The following ADARB2 variants were observed in gnomAD, a reference collection of about 807,000 sequenced individuals.
ADARB2 encodes the protein adenosine deaminase RNA specific B2 (inactive), also known as inactive double-stranded RNA-specific editase B2.
A neutral mutation model predicts 62.2 loss-of-function variants in ADARB2; 25 were observed. The observed-to-expected ratio is 0.40, with a 90% confidence interval of 0.29 to 0.56. The LOEUF is 0.56. ADARB2 is among the 20% of genes least tolerant of loss of function. ADARB2 has a pLI of 0.43. For missense variants in ADARB2, 1,071 were observed against 1,077.4 expected (o/e 0.99, Z 0.08); for synonymous variants, 572 against 500.8 (o/e 1.14, Z -1.90).
At chr10:1,275,540 G>A (rs1360405361) in intron 3 of ADARB2, among the ~76,000 whole-genome samples, 1 of 151,812 alleles carries the variant, frequency 6.6e-6, no homozygotes. Flanking sequence ...AAGTTTTAGG[G>A]TACATGTGCA....
intron 1 of ADARB2, among the ~76,000 whole-genome samples, chr10:1,699,082 T>C (rs1435443894): frequency 6.6e-6 from 1 of 152,184 alleles, no homozygotes; most frequent in Non-Finnish European, 1.5e-5. Context: ...TTTTTAAACC[T>C]CATTTGGTCA....
intron 6 of ADARB2, among the ~76,000 whole-genome samples, chr10:1,220,896 T>C (rs1459313359): frequency 6.6e-6 from 1 of 152,186 alleles, no homozygotes; most frequent in Non-Finnish European, 1.5e-5. Context: ...AGCTTTCAGG[T>C]TAGACTAATT....
chr10:1,388,098 A>C (rs537985960), intron 1 of ADARB2, among the ~76,000 whole-genome samples: 4 of 152,124 alleles, frequency 2.6e-5, no homozygotes, highest in African/African-American at 9.7e-5. Flanking sequence ...ATAAATAAAT[A>C]GAAAGATACA....
intron 2 of ADARB2, among the ~76,000 whole-genome samples, chr10:1,365,048 T>A (rs549517812): frequency 6.6e-6 from 1 of 151,918 alleles, no homozygotes; most frequent in Non-Finnish European, 1.5e-5. Context: ...AATTTTTGTA[T>A]TTTTTTAGAG....
intron 1 of ADARB2, among the ~76,000 whole-genome samples, chr10:1,524,608 G>T (rs1832117394): frequency 6.6e-6 from 1 of 152,100 alleles, no homozygotes; most frequent in African/African-American, 2.4e-5. Flanking sequence ...TTTTTGTTTG[G>T]TTTTCACAGG....
chr10:1,363,325 C>T lies in ADARB2; in HGVS notation c.780G>A (p.Ala260=). 2 of 1,235,720 alleles carry T rather than the reference C, an allele frequency of 1.6e-6. 1 individual carries two copies. Among genetic ancestry groups the T allele is most frequent in the Middle Eastern group, 5.1e-4 (2 of 3,942 alleles). The allele number at this position is 1,235,720 out of a possible 1,614,324, so 76.5% of individuals were successfully genotyped here. Residue 260 remains alanine, a synonymous_variant, in exon 3 of 10, where the codon GCG becomes GCA. Transcript: ENST00000381312. ...CGGGGGTCGGGCCCACCAGGTCCAGCGCGCGGCACAGCAGCCGCCGTCGCC... is the reference window on the plus strand; with the variant it reads ...CGGGGGTCGGGCCCACCAGGTCCAGTGCGCGGCACAGCAGCCGCCGTCGCC... The part of the protein sequence containing the change: ...AYGRRRLLCR[A]LDLVGPTPAT...
chr10:1,488,489 T>A (rs1035164145), intron 1 of ADARB2, among the ~76,000 whole-genome samples: 5 of 152,174 alleles, frequency 3.3e-5, no homozygotes, highest in African/African-American at 1.2e-4. Context: ...AATAGACAAG[T>A]GGCCAAATTG....
intron 1 of ADARB2, among the ~76,000 whole-genome samples, chr10:1,425,164 T>A (rs1455361076): frequency 6.6e-6 from 1 of 152,142 alleles, no homozygotes; most frequent in Non-Finnish European, 1.5e-5. Context: ...TGGTCAAAGG[T>A]AACAAGCATT....
chr10:1,599,036 A>C (rs949338598), intron 1 of ADARB2, among the ~76,000 whole-genome samples: 1 of 152,262 alleles, frequency 6.6e-6, no homozygotes, highest in Non-Finnish European at 1.5e-5. Context: ...TGTAGCTCAC[A>C]ACCAAGAGTG....
chr10:1,714,308 G>C (rs1834989465), intron 1 of ADARB2, among the ~76,000 whole-genome samples: 2 of 152,174 alleles, frequency 1.3e-5, no homozygotes, highest in Admixed American at 6.5e-5. Context: ...ACCGGCATGA[G>C]GACCAAACGG....
At chr10:1,556,993 G>A (rs188622683) in intron 1 of ADARB2, 6 of 384,044 alleles carry the variant, frequency 1.6e-5, no homozygotes, top group Non-Finnish European at 2.7e-5. Flanking sequence ...CAGGAATCTT[G>A]TCCTGCATCT....
At chr10:1,222,737 A>G (rs542721606) in intron 6 of ADARB2, among the ~76,000 whole-genome samples, 1 of 149,122 alleles carries the variant, frequency 6.7e-6, no homozygotes, top group Admixed American at 6.6e-5. Context: ...GATATGCGGC[A>G]TTATTTCTGA....
Position 1,216,965 on chromosome 10 carries a change from C to A in ADARB2, c.1668G>T (p.Thr556=), listed in dbSNP as rs368268294. 2 of 1,607,406 alleles carry A rather than the reference C, an allele frequency of 1.2e-6. No individual in the cohort carries two copies. Among genetic ancestry groups the A allele is most frequent in the Non-Finnish European group, 1.7e-6 (2 of 1,179,572 alleles). Reference sequence around the variant, plus strand: ...GTGGGCCTCACCTGGCGATCTTGTCCGTGCAGGACATGGTGATCAGCTGCT... The same window carrying A: ...GTGGGCCTCACCTGGCGATCTTGTCAGTGCAGGACATGGTGATCAGCTGCT... ...LGEQLITMSC[T]DKIARWNVLG... is the part of the protein sequence containing the mutation. Residue 556 remains threonine, a synonymous_variant, in exon 7 of 10, where the codon ACG becomes ACT. Coordinates refer to ENST00000381312, the MANE Select transcript of ADARB2 (RefSeq NM_018702.4).
At chr10:1,517,721 C>T (rs2131949286) in intron 1 of ADARB2, among the ~76,000 whole-genome samples, 1 of 152,216 alleles carries the variant, frequency 6.6e-6, no homozygotes, top group East Asian at 1.9e-4. Context: ...TGTGAGAGTC[C>T]ATTTTCATGA....
chr10:1,736,963 C>A (rs1429941042), intron 1 of ADARB2, 88 bp downstream of exon 1: 21 of 1,376,478 alleles, frequency 1.5e-5, no homozygotes, highest in Non-Finnish European at 2.0e-5. Flanking sequence ...CTGCTCACAA[C>A]GGACAAGCCC....
intron 2 of ADARB2, among the ~76,000 whole-genome samples, chr10:1,377,858 A>G (rs1199019779): frequency 6.6e-6 from 1 of 152,174 alleles, no homozygotes. Context: ...TTTGCAGAAC[A>G]ACCTCCATTT....
At chr10:1,332,395 G>A (rs1400893916) in intron 3 of ADARB2, among the ~76,000 whole-genome samples, 1 of 148,214 alleles carries the variant, frequency 6.7e-6, no homozygotes, top group Non-Finnish European at 1.5e-5. Flanking sequence ...CAGTCTGGGT[G>A]ATGGAGTGAG....
At chr10:1,474,380 G>A (rs1008676535) in intron 1 of ADARB2, among the ~76,000 whole-genome samples, 5 of 152,146 alleles carry the variant, frequency 3.3e-5, no homozygotes, top group Admixed American at 2.6e-4. Context: ...TGGGACACAC[G>A]GAGCTCAGAG....
At chr10:1,210,575 G>T (rs767781710) in intron 7 of ADARB2, among the ~76,000 whole-genome samples, 1 of 152,216 alleles carries the variant, frequency 6.6e-6, no homozygotes, top group African/African-American at 2.4e-5. Flanking sequence ...AGTCGTCTGC[G>T]TGGCACGTCA....
Sources: gnomAD v4.1 joint callset for allele counts (sites outside exome capture counted in the v4.1 genomes callset) on GRCh38, gnomAD v4.1.1 for gene constraint, MANE v1.5 for transcripts, NCBI Gene and HGNC (gene_info 2026-07-23, HGNC 2026-07-21) for gene names.